Variants in DISC1 observed in about 807,000 individuals in gnomAD.
DISC1 encodes the protein DISC1 scaffold protein.
In DISC1, 57 loss-of-function variants were observed where a neutral mutation model predicts 84.5. The observed-to-expected ratio is 0.67, with a 90% confidence interval of 0.55 to 0.84. DISC1 has a LOEUF of 0.84. DISC1 is among the 40% of genes least tolerant of loss of function. DISC1 has a pLI of 0.00. For synonymous variants in DISC1, 411 were observed against 415.2 expected (o/e 0.99, Z 0.12); for missense variants, 1,000 against 1,057.8 (o/e 0.95, Z 0.76).
intron 9 of DISC1, among the ~76,000 whole-genome samples, chr1:231,864,144 A>T (rs919080908): frequency 6.6e-5 from 10 of 152,070 alleles, no homozygotes; most frequent in Admixed American, 6.5e-4. Flanking sequence ...AACACATGCA[A>T]CTCATCATTT....
chr1:231,650,911 A>T (rs948037029), intron 1 of DISC1, among the ~76,000 whole-genome samples: 4 of 152,132 alleles, frequency 2.6e-5, no homozygotes, highest in African/African-American at 9.7e-5. Flanking sequence ...TTTCAGCTTC[A>T]TCAGTTCATT....
chr1:231,785,251 G>A (rs368226285), intron 6 of DISC1, among the ~76,000 whole-genome samples: 29,383 of 100,448 alleles, frequency 0.29, 3,619 homozygotes, highest in Middle Eastern at 0.36. Flanking sequence ...GTGTGTGTGT[G>A]TGTTATTTTA....
chr1:231,792,269 G>A (rs1363697311), intron 6 of DISC1, among the ~76,000 whole-genome samples: 1 of 152,174 alleles, frequency 6.6e-6, no homozygotes, highest in Non-Finnish European at 1.5e-5. Context: ...GGATATCTGA[G>A]AGGAGACTGA....
intron 11 of DISC1, among the ~76,000 whole-genome samples, chr1:232,017,480 CT>C (rs56672398): frequency 0.12 from 16,349 of 132,662 alleles, 1,549 homozygotes; most frequent in East Asian, 0.28. Context: ...AACACCTGTC[CT>C]TTTTTTTTTT....
chr1:231,849,564 G>C (rs61836967), intron 9 of DISC1, among the ~76,000 whole-genome samples: 3 of 152,074 alleles, frequency 2.0e-5, no homozygotes, highest in African/African-American at 4.8e-5. Flanking sequence ...GTATGTTTGT[G>C]TTTTCATGTG....
At chr1:231,738,242 A>G (rs896259198) in intron 3 of DISC1, among the ~76,000 whole-genome samples, 2 of 152,212 alleles carry the variant, frequency 1.3e-5, no homozygotes, top group African/African-American at 4.8e-5. Context: ...GTCAGCATTA[A>G]TACAACACTC....
intron 9 of DISC1, among the ~76,000 whole-genome samples, chr1:231,906,661 TTAAG>T (rs1237770879): frequency 1.3e-5 from 2 of 152,202 alleles, no homozygotes; most frequent in Non-Finnish European, 2.9e-5. Flanking sequence ...TTGTAACAGA[TTAAG>T]TAGATTCTCT....
chr1:231,765,327 C>T (rs1290491878), intron 4 of DISC1, among the ~76,000 whole-genome samples: 5 of 151,904 alleles, frequency 3.3e-5, no homozygotes, highest in Non-Finnish European at 7.4e-5. Context: ...CAGTTCTCTG[C>T]CTTGGCCTCC....
At chr1:231,801,074 T>C (rs992477237) in intron 8 of DISC1, among the ~76,000 whole-genome samples, 11 of 152,242 alleles carry the variant, frequency 7.2e-5, no homozygotes, top group Admixed American at 5.9e-4. Flanking sequence ...TTTTAAATGG[T>C]ATTTTAAGAA....
At chr1:232,012,692 G>A (rs182743584) in intron 11 of DISC1, among the ~76,000 whole-genome samples, 17 of 152,254 alleles carry the variant, frequency 1.1e-4, no homozygotes, top group East Asian at 5.8e-4. Flanking sequence ...AGCCTTTCCC[G>A]TGCTTATCTG....
At position 231,857,215 on chromosome 1, in the gene DISC1, T is replaced by A. The variant is rs546524367; in HGVS notation, c.1981+38698T>A. Among the ~76,000 whole-genome samples the A allele has an allele frequency of 1.6e-4, 25 of 152,298 alleles. No homozygotes were observed. In the South Asian group the frequency reaches 5.2e-3, roughly 32 times the overall value. ...TTGGTCACAACAGAAAGGCAAGGGC[T>A]CTAGGGGACCCTCCAGAACTACAGG... On this transcript the variant is annotated intron_variant, in intron 9 of 12. Coordinates refer to ENST00000439617, the MANE Select transcript of DISC1 (RefSeq NM_018662.3).
At chr1:231,767,917 G>T (rs1006064806) in intron 5 of DISC1, among the ~76,000 whole-genome samples, 1 of 152,158 alleles carries the variant, frequency 6.6e-6, no homozygotes, top group Non-Finnish European at 1.5e-5. Flanking sequence ...ATCCTTTATG[G>T]AAATTCCTAT....
chr1:231,900,675 A>G (rs920162184), intron 9 of DISC1, among the ~76,000 whole-genome samples: 5 of 152,198 alleles, frequency 3.3e-5, no homozygotes, highest in Non-Finnish European at 4.4e-5. Flanking sequence ...CTCTTCTGCC[A>G]TGGGAAAAAT....
chr1:231,909,922 G>A (rs1170262366), intron 9 of DISC1, among the ~76,000 whole-genome samples: 1 of 152,196 alleles, frequency 6.6e-6, no homozygotes, highest in Non-Finnish European at 1.5e-5. Flanking sequence ...TATGTGTCCA[G>A]GAATGTATCC....
intron 6 of DISC1, among the ~76,000 whole-genome samples, chr1:231,794,300 G>A (rs1246604259): frequency 6.6e-6 from 1 of 151,470 alleles, no homozygotes; most frequent in Non-Finnish European, 1.5e-5. Context: ...CTTCTGGTAA[G>A]CTTTCCCACC....
intron 9 of DISC1, among the ~76,000 whole-genome samples, chr1:231,885,358 C>A (rs78665441): frequency 6.6e-6 from 1 of 152,102 alleles, no homozygotes; most frequent in African/African-American, 2.4e-5. Flanking sequence ...AAGTTTTGAA[C>A]GCTGAATCAT....
intron 10 of DISC1, among the ~76,000 whole-genome samples, chr1:231,993,200 G>A (rs1665459088): frequency 6.6e-6 from 1 of 152,078 alleles, no homozygotes; most frequent in South Asian, 2.1e-4. Flanking sequence ...TTAGAAACCT[G>A]TGCATTTGTT....
chr1:231,728,082 AT>A (rs966537610), intron 3 of DISC1, among the ~76,000 whole-genome samples: 6 of 151,244 alleles, frequency 4.0e-5, no homozygotes, highest in African/African-American at 1.5e-4. Context: ...TTAAAACTTG[AT>A]TTTTTTTTCG....
At chr1:231,745,492 G>T in intron 3 of DISC1, 1 of 231,418 alleles carries the variant, frequency 4.3e-6, no homozygotes, top group Non-Finnish European at 9.5e-6. Flanking sequence ...AAAGTGCTGG[G>T]ATTACAGGTA....
Sources: gnomAD v4.1 joint callset for allele counts (sites outside exome capture counted in the v4.1 genomes callset) on GRCh38, gnomAD v4.1.1 for gene constraint, MANE v1.5 for transcripts, NCBI Gene and HGNC (gene_info 2026-07-23, HGNC 2026-07-21) for gene names.